Variants in APBA2 observed in about 807,000 individuals in gnomAD.
The protein encoded by APBA2 is amyloid beta precursor protein binding family A member 2.
Under a neutral mutation model 75.0 loss-of-function variants are expected in APBA2, and 30 were observed. That is an observed-to-expected ratio of 0.40 (90% CI 0.30 to 0.54). The LOEUF is 0.54. Among genes scored for constraint, APBA2 ranks in the 20% least tolerant of loss-of-function variants. The probability of loss-of-function intolerance (pLI) is 0.49; values close to 1 mark genes in which losing one functional copy is unlikely to be tolerated. For synonymous variants in APBA2, 444 were observed against 409.6 expected (o/e 1.08, Z -1.01); for missense variants, 801 against 1,016.1 (o/e 0.79, Z 2.88).
At chr15:28,959,689 A>G (rs2036362755) in intron 2 of APBA2, among the ~76,000 whole-genome samples, 2 of 152,210 alleles carry the variant, frequency 1.3e-5, no homozygotes, top group African/African-American at 2.4e-5. Flanking sequence ...CCTGTGTGCT[A>G]TTGTTCAGTG....
chr15:28,904,652 A>G (rs746072795), intron 1 of APBA2, among the ~76,000 whole-genome samples: 1 of 152,088 alleles, frequency 6.6e-6, no homozygotes, highest in Non-Finnish European at 1.5e-5. Flanking sequence ...GCATCCAGCA[A>G]ACAGTGTTGG....
At chr15:28,900,227 C>T (rs1158753096) in intron 1 of APBA2, among the ~76,000 whole-genome samples, 2 of 152,194 alleles carry the variant, frequency 1.3e-5, no homozygotes, top group Non-Finnish European at 2.9e-5. Flanking sequence ...GCTCATCAGA[C>T]CTGAACAGCC....
At chr15:28,944,168 C>T (rs2035404486) in intron 2 of APBA2, among the ~76,000 whole-genome samples, 1 of 152,192 alleles carries the variant, frequency 6.6e-6, no homozygotes, top group African/African-American at 2.4e-5. Context: ...CAAATTGTGT[C>T]TCTTCCGAAA....
chr15:29,005,271 G>GT (rs1041987770), intron 3 of APBA2, among the ~76,000 whole-genome samples: 16 of 150,656 alleles, frequency 1.1e-4, no homozygotes, highest in Non-Finnish European at 2.4e-4. Context: ...CTTTTTTTTT[G>GT]TTTTTTTGAG....
At chr15:28,994,963 CAG>C (rs1008171300) in intron 2 of APBA2, among the ~76,000 whole-genome samples, 1 of 152,206 alleles carries the variant, frequency 6.6e-6, no homozygotes, top group African/African-American at 2.4e-5. Flanking sequence ...GAAAGGAACA[CAG>C]AAAGCCCTTT....
At chr15:29,088,515 T>C (rs79669817) in intron 6 of APBA2, among the ~76,000 whole-genome samples, 8,673 of 152,220 alleles carry the variant, frequency 0.057, 617 homozygotes, top group African/African-American at 0.16. Flanking sequence ...CGTCCTCATC[T>C]TCTCTCAGAC....
rs140919207 is a variant in APBA2 at position 29,046,759 on chromosome 15, A to G, written c.-40-7086A>G. 1.9e-3 allele frequency among the ~76,000 whole-genome samples: 297 copies of G among 152,308 alleles called. 1 individual carries two copies. The highest frequency in any genetic ancestry group is 6.8e-3 in the African/African-American group (283 of 41,570). ...GAGGAGTGACTCTTGGCTTTTCACAAGGACCTCTCCCTGCTTTCCTCAGTC... is the reference window on the plus strand; with the variant it reads ...GAGGAGTGACTCTTGGCTTTTCACAGGGACCTCTCCCTGCTTTCCTCAGTC... On this transcript the variant is annotated intron_variant, in intron 3 of 14. Coordinates refer to ENST00000683413, the MANE Select transcript of APBA2 (RefSeq NM_001353788.2). This position sits in a 1 kb window ranked among gnomAD's most constrained non-coding sequence, Gnocchi z 5.0.
At chr15:29,087,994 C>T (rs1251586315) in intron 6 of APBA2, among the ~76,000 whole-genome samples, 1 of 152,190 alleles carries the variant, frequency 6.6e-6, no homozygotes, top group Non-Finnish European at 1.5e-5. Context: ...CTCTACCTGC[C>T]CCTTTTCTTT....
chr15:29,050,495 A>T (rs1595834425), intron 3 of APBA2, among the ~76,000 whole-genome samples: 1 of 152,224 alleles, frequency 6.6e-6, no homozygotes, highest in Non-Finnish European at 1.5e-5. Context: ...AGTGTTATAC[A>T]TCTGGAATAA....
chr15:29,078,254 A>G (rs924678312), intron 6 of APBA2, among the ~76,000 whole-genome samples: 1 of 152,048 alleles, frequency 6.6e-6, no homozygotes, highest in Non-Finnish European at 1.5e-5. Flanking sequence ...AGATCACACC[A>G]GTATACGCCA....
intron 13 of APBA2, among the ~76,000 whole-genome samples, chr15:29,113,158 G>A (rs552914632): frequency 2.6e-5 from 4 of 152,122 alleles, no homozygotes; most frequent in Admixed American, 6.5e-5. Flanking sequence ...TGTGCACGGC[G>A]CCTGTTTTCC....
At chr15:29,001,336 G>T (rs1457438789) in intron 3 of APBA2, among the ~76,000 whole-genome samples, 1 of 152,134 alleles carries the variant, frequency 6.6e-6, no homozygotes, top group Non-Finnish European at 1.5e-5. Flanking sequence ...TCAGCCCCCT[G>T]AGTAGCTAGG....
intron 4 of APBA2, among the ~76,000 whole-genome samples, chr15:29,064,659 G>T (rs2042297622): frequency 1.3e-5 from 2 of 152,206 alleles, no homozygotes; most frequent in South Asian, 4.1e-4. Flanking sequence ...ATCGTGATGT[G>T]GCTTTGAGCC....
chr15:28,957,578 A>T (rs1417781763), intron 2 of APBA2, among the ~76,000 whole-genome samples: 1 of 151,910 alleles, frequency 6.6e-6, no homozygotes, highest in Non-Finnish European at 1.5e-5. Flanking sequence ...CTGGTTTTTC[A>T]ATCGTGGCCA....
At chr15:28,923,013 G>A (rs1451452044) in intron 2 of APBA2, among the ~76,000 whole-genome samples, 1 of 152,176 alleles carries the variant, frequency 6.6e-6, no homozygotes, top group Non-Finnish European at 1.5e-5. Context: ...AGGACGCTGG[G>A]GAAACCAGGC....
At chr15:29,095,827 C>CA (rs2043823528) in intron 8 of APBA2, among the ~76,000 whole-genome samples, 5 of 152,218 alleles carry the variant, frequency 3.3e-5, no homozygotes, top group Admixed American at 3.3e-4. Context: ...TGATTTCCTC[C>CA]AGGCAAGGCA....
chr15:29,057,868 C>T (rs952744910), intron 4 of APBA2, among the ~76,000 whole-genome samples: 10 of 152,182 alleles, frequency 6.6e-5, no homozygotes, highest in African/African-American at 1.9e-4. Flanking sequence ...CGTACATCAA[C>T]GTTGACCATT....
rs564247247 is a variant in APBA2, at chr15:29,034,585, G to A, written c.-40-19260G>A. ...ATGAAATGAAAGTGTTAGGAAGGGT[G>A]TATGCATGCTATTTGTTTACTTTGA... On this transcript the variant is annotated intron_variant, in intron 3 of 14. Coordinates refer to ENST00000683413, the MANE Select transcript of APBA2 (RefSeq NM_001353788.2). Among the ~76,000 whole-genome samples, 8 of 152,322 alleles carry A rather than the reference G, an allele frequency of 5.3e-5. No individual in the cohort carries two copies. The South Asian group carries it at 1.7e-3, about 32-fold the overall frequency.
At chr15:29,089,173 T>C (rs1249968532) in intron 6 of APBA2, among the ~76,000 whole-genome samples, 1 of 152,228 alleles carries the variant, frequency 6.6e-6, no homozygotes, top group Non-Finnish European at 1.5e-5. Context: ...GTGAGCTCCA[T>C]GTTTCTGTCT....
Sources: gnomAD v4.1 joint callset for allele counts (sites outside exome capture counted in the v4.1 genomes callset) on GRCh38, gnomAD v4.1.1 for gene constraint, Gnocchi (gnomAD v3.1) non-coding constraint, MANE v1.5 for transcripts, NCBI Gene and HGNC (gene_info 2026-07-23, HGNC 2026-07-21) for gene names.